The following ZFC3H1 variants were observed in gnomAD, a reference collection of about 807,000 sequenced individuals.
ZFC3H1 encodes zinc finger C3H1 domain-containing protein.
Under a neutral mutation model 243.7 loss-of-function variants are expected in ZFC3H1, and 71 were observed. The observed-to-expected ratio is 0.29, with a 90% CI of 0.24 to 0.36. ZFC3H1 has a LOEUF of 0.36. ZFC3H1 is among the 10% of genes least tolerant of loss of function. ZFC3H1 has a pLI of 1.00. For synonymous variants in ZFC3H1, 838 were observed against 813.0 expected (o/e 1.03, Z -0.52); for missense variants, 1,966 against 2,317.1 (o/e 0.85, Z 3.11).
In ZFC3H1 at chr12:71,656,983, T is replaced by C. The variant is rs892615679; in HGVS notation, c.917A>G (p.Gln306Arg). 1 of 1,613,862 alleles carries C rather than the reference T, an allele frequency of 6.2e-7. No homozygotes were observed. Among genetic ancestry groups the C allele is most frequent in the Non-Finnish European group, 8.5e-7 (1 of 1,179,940 alleles). Residue 306 changes from glutamine to arginine, a missense_variant, in exon 2 of 35, where the codon CAA becomes CGA. Gln to Arg is a conservative substitution (Grantham distance 43). Coordinates refer to ENST00000378743, the MANE Select transcript of ZFC3H1 (RefSeq NM_144982.5). Reference protein sequence around the residue: ...FQAFELKPLRQKLTLPGDKNR... With the variant: ...FQAFELKPLRRKLTLPGDKNR... ...CTTATCTCCTGGTAAAGTCAATTTTTGCCTGAGTGGTTTTAATTCAAATGC... is the reference window on the plus strand; with the variant it reads ...CTTATCTCCTGGTAAAGTCAATTTTCGCCTGAGTGGTTTTAATTCAAATGC...
Position 71,626,349 on chromosome 12 carries a change from A to C in ZFC3H1, c.4228T>G (p.Leu1410Val), listed in dbSNP as rs747862316. The C allele has an allele frequency of 2.5e-6, 4 of 1,614,110 alleles. No homozygotes were observed. In the South Asian group the frequency reaches 4.4e-5, roughly 18 times the overall value. Residue 1410 changes from leucine to valine, a missense_variant, in exon 22 of 35, where the codon TTG becomes GTG. Coordinates refer to ENST00000378743, the MANE Select transcript of ZFC3H1 (RefSeq NM_144982.5). ...NPEIWCHYLRLFSKRGTKDEV... is the reference protein window; with the variant it reads ...NPEIWCHYLRVFSKRGTKDEV... ...TCCTTGGTTCCTCTTTTTGAGAACA[A>C]TCTGAGGTAATGGCACCAAATTTCT...
rs1028754626 is a variant in ZFC3H1 at position 71,644,796 on chromosome 12, C to T, written c.1279+81G>A. ...TCATGCCACTGTACTCCAGCCTGGG[C>T]GACAAGAGCAAAACTCTGTCTCAAA... On this transcript the variant is annotated intron_variant, in intron 4 of 34. Coordinates refer to ENST00000378743, the MANE Select transcript of ZFC3H1 (RefSeq NM_144982.5). 33 of 1,490,604 alleles carry T rather than the reference C, an allele frequency of 2.2e-5. 1 individual carries two copies. The highest frequency in any genetic ancestry group is 2.8e-5 in the African/African-American group (2 of 71,378). The allele number at this position is 1,490,604 out of a possible 1,614,324, so 92.3% of individuals were successfully genotyped here. A position where few individuals can be genotyped will look rare whatever the true frequency, so the allele number is the denominator to read the frequency against.
intron 11 of ZFC3H1, 46 bp from the exon 12 acceptor site, chr12:71,634,350 T>C: frequency 6.4e-7 from 1 of 1,568,816 alleles, no homozygotes; most frequent in South Asian, 1.2e-5. Context: ...AAGAATAAAC[T>C]TAAACTATTT....
chr12:71,650,191 G>A (rs1388436769), intron 2 of ZFC3H1, among the ~76,000 whole-genome samples: 1 of 151,902 alleles, frequency 6.6e-6, no homozygotes, highest in East Asian at 1.9e-4. Flanking sequence ...CAGGAGAATG[G>A]TGTGAACCTG....
intron 2 of ZFC3H1, among the ~76,000 whole-genome samples, chr12:71,650,590 A>C (rs1403999266): frequency 6.6e-6 from 1 of 152,236 alleles, no homozygotes; most frequent in Admixed American, 6.5e-5. Context: ...CACTGAGGAC[A>C]TGACGAATTA....
chr12:71,627,818 G>C lies in ZFC3H1; in HGVS notation c.4063C>G (p.Leu1355Val). The change falls in exon 21 of 35, where the codon CTT becomes GTT. Residue 1355 changes from leucine to valine, a missense_variant. This residue lies in a region of ZFC3H1 where 1,383 missense variants were observed against 1,723.7 expected (regional missense o/e 0.80). Coordinates refer to ENST00000378743, the MANE Select transcript of ZFC3H1 (RefSeq NM_144982.5). ...DDIANLEASV[L>V]ENPSHVQLWL... is the part of the protein sequence containing the mutation. ...AGTTGTACATGAGAAGGATTTTCAA[G>C]CACACTTGCTTCTAAATTAGCGATG... 6.2e-7 allele frequency: 1 copy of C among 1,613,790 alleles called. No homozygotes were observed. The highest frequency in any genetic ancestry group is 8.5e-7 in the Non-Finnish European group (1 of 1,179,872).
intron 23 of ZFC3H1, 67 bp downstream of exon 23, chr12:71,624,037 G>C: frequency 7.0e-7 from 1 of 1,438,668 alleles, no homozygotes; most frequent in South Asian, 1.4e-5. Context: ...ATAATGCTAT[G>C]GATAACGGTG....
At chr12:71,621,699 CT>C (rs1880033141) in intron 24 of ZFC3H1, among the ~76,000 whole-genome samples, 1 of 152,148 alleles carries the variant, frequency 6.6e-6, no homozygotes, top group South Asian at 2.1e-4. Context: ...CAAAATCAGT[CT>C]TCCCAACTTA....
rs931911512 is a variant in ZFC3H1, at chr12:71,624,449, C to T, written c.4318-157G>A. 4.6e-5 allele frequency among the ~76,000 whole-genome samples: 7 copies of T among 152,330 alleles called. No individual in the cohort carries two copies. In the South Asian group the frequency reaches 1.4e-3, roughly 32 times the overall value. On this transcript the variant is annotated intron_variant, in intron 22 of 34. Transcript: ENST00000378743. ...TGTATAACTCCATCTTCTAGTACTA[C>T]AACCTAGACTCCCTCTTCTATCACA...
At chr12:71,638,205 C>G (rs1177125623) in intron 7 of ZFC3H1, among the ~76,000 whole-genome samples, 1 of 151,990 alleles carries the variant, frequency 6.6e-6, no homozygotes, top group African/African-American at 2.4e-5. Flanking sequence ...ACCGAAAAGT[C>G]AACATGAAAT....
chr12:71,640,518 C>G (rs1406235396), intron 6 of ZFC3H1, among the ~76,000 whole-genome samples: 1 of 152,224 alleles, frequency 6.6e-6, no homozygotes, highest in East Asian at 1.9e-4. Context: ...TCTGGGACCA[C>G]CAGTGGTGCT....
At chr12:71,630,532 T>TAA in intron 18 of ZFC3H1, 68 bp downstream of exon 18, 7 of 1,546,562 alleles carry the variant, frequency 4.5e-6, no homozygotes, top group Non-Finnish European at 6.1e-6. Flanking sequence ...TGTCAACAAC[T>TAA]AATATAGAAT....
At chr12:71,657,754 C>T (rs1173946803) in intron 1 of ZFC3H1, among the ~76,000 whole-genome samples, 2 of 151,926 alleles carry the variant, frequency 1.3e-5, no homozygotes, top group Non-Finnish European at 2.9e-5. Context: ...TTTGGGAGGC[C>T]GAGGCAGGAG....
Position 71,656,877 on chromosome 12 carries a change from T to C in ZFC3H1, c.1015+8A>G. 3 of 1,594,948 alleles carry C rather than the reference T, an allele frequency of 1.9e-6. No homozygotes were observed. Among genetic ancestry groups the C allele is most frequent in the Non-Finnish European group, 1.7e-6 (2 of 1,172,120 alleles). On this transcript the variant is annotated splice_region_variant and intron_variant, in intron 2 of 34. Coordinates refer to ENST00000378743, the MANE Select transcript of ZFC3H1 (RefSeq NM_144982.5). ...GTCATTACTAACTGAAATATTTAAT[T>C]CCATTACCTTGACTAGAATCAGTAG...
Position 71,657,120 on chromosome 12 carries a change from A to T in ZFC3H1, c.780T>A (p.Asp260Glu). The T allele has an allele frequency of 6.2e-7, 1 of 1,613,932 alleles. No individual in the cohort carries two copies. ...LSSKEENVQE[D>E]PKTLNFEDQT... ...GGTCCTCGAAGTTCAATGTTTTAGGATCTTCCTGCACATTCTCTTCTTTGC... is the reference window on the plus strand; with the variant it reads ...GGTCCTCGAAGTTCAATGTTTTAGGTTCTTCCTGCACATTCTCTTCTTTGC... Residue 260 changes from aspartate to glutamate, a missense_variant, in exon 2 of 35, where the codon GAT becomes GAA. Physicochemically the swap from Asp to Glu is conservative, Grantham distance 45. This residue lies in a region of ZFC3H1 where 484 missense variants were observed against 449.7 expected (regional missense o/e 1.08). Transcript: ENST00000378743.
chr12:71,652,269 CAGT>C (rs1311046612), intron 2 of ZFC3H1, among the ~76,000 whole-genome samples: 3 of 152,144 alleles, frequency 2.0e-5, no homozygotes, highest in Non-Finnish European at 4.4e-5. Flanking sequence ...ATACTGATGC[CAGT>C]TATTTTTCCA....
At position 71,633,267 on chromosome 12, in the gene ZFC3H1, T is replaced by C. The variant is rs1880370848; in HGVS notation, c.2682A>G (p.Glu894=). Residue 894 remains glutamate, a synonymous_variant, in exon 13 of 35, where the codon GAA becomes GAG. Transcript: ENST00000378743. ...VNRMFLKKLQ[E]QIHRVQQRVT... ...TACAGTATTTTAAAATAATTACTTGTTCCTGAAGCTTCTTCAAAAACATTC... is the reference window on the plus strand; with the variant it reads ...TACAGTATTTTAAAATAATTACTTGCTCCTGAAGCTTCTTCAAAAACATTC... 1 of 1,575,548 alleles carries C rather than the reference T, an allele frequency of 6.3e-7. No individual in the cohort carries two copies. The highest frequency in any genetic ancestry group is 1.4e-5 in the African/African-American group (1 of 72,810).
intron 2 of ZFC3H1, among the ~76,000 whole-genome samples, chr12:71,648,740 T>C (rs556259745): frequency 4.0e-4 from 61 of 152,226 alleles, no homozygotes; most frequent in Non-Finnish European, 5.9e-4. Context: ...ATGAGTTCTG[T>C]TGAAAGGCTT....
rs1565814249 is a variant in ZFC3H1 at position 71,632,523 on chromosome 12, G to A, written c.2818-9C>T. 2 of 1,535,520 alleles carry A rather than the reference G, an allele frequency of 1.3e-6. No homozygotes were observed. The highest frequency in any genetic ancestry group is 2.3e-5 in the East Asian group (1 of 44,380). On this transcript the variant is annotated splice_polypyrimidine_tract_variant and intron_variant, in intron 14 of 34. Transcript: ENST00000378743. ...CTCATCATTTTGTTTGGCTAAGGGAGAAAAATGATACACGTATTTTACATC... is the reference window on the plus strand; with the variant it reads ...CTCATCATTTTGTTTGGCTAAGGGAAAAAAATGATACACGTATTTTACATC...
Sources: allele counts gnomAD v4.1 joint callset (sites outside exome capture counted in the v4.1 genomes callset), GRCh38; gene constraint gnomAD v4.1.1; regional missense constraint gnomAD v4.1.1; transcripts MANE v1.5; gene names NCBI Gene and HGNC (gene_info 2026-07-23, HGNC 2026-07-21).